CDH4: variants seen among roughly 807,000 people sequenced by gnomAD.
CDH4 encodes cadherin 4, also known as cadherin-4.
In CDH4, 33 loss-of-function variants were observed where a neutral mutation model predicts 86.0. That is an observed-to-expected ratio of 0.38 (90% CI 0.29 to 0.51). The LOEUF is 0.51. Among genes scored for constraint, CDH4 ranks in the 20% least tolerant of loss-of-function variants. CDH4 has a pLI of 0.86. For synonymous variants in CDH4, 555 were observed against 549.4 expected (o/e 1.01, Z -0.14); for missense variants, 1,114 against 1,307.4 (o/e 0.85, Z 2.28).
At chr20:61,464,232 G>A (rs1471103551) in intron 2 of CDH4, among the ~76,000 whole-genome samples, 4 of 152,136 alleles carry the variant, frequency 2.6e-5, no homozygotes, top group Non-Finnish European at 4.4e-5. Flanking sequence ...TGCAGAGAGG[G>A]ATACAAAAGG....
At chr20:61,818,621 T>C (rs555139514) in intron 4 of CDH4, among the ~76,000 whole-genome samples, 297 of 150,412 alleles carry the variant, frequency 2.0e-3, no homozygotes, top group Non-Finnish European at 3.9e-3. Flanking sequence ...CAGGCTGCAG[T>C]GAGCTATGAT....
intron 9 of CDH4, among the ~76,000 whole-genome samples, chr20:61,919,468 C>A (rs1271046880): frequency 6.6e-6 from 1 of 152,252 alleles, no homozygotes; most frequent in Non-Finnish European, 1.5e-5. Context: ...AGCTCCAAAG[C>A]CACAAACTGG....
chr20:61,841,778 C>T lies in CDH4; in HGVS notation c.577-2890C>T, dbSNP rs185893121. 2.4e-4 allele frequency among the ~76,000 whole-genome samples: 37 copies of T among 152,108 alleles called. No homozygotes were observed. In the East Asian group the frequency reaches 5.4e-3, roughly 22 times the overall value. ...GAGTGTGTGTGTGTGCGCGCGTGCGCGCACCGTGGGCCTGCAGGCCTCCTC... is the reference window on the plus strand; with the variant it reads ...GAGTGTGTGTGTGTGCGCGCGTGCGTGCACCGTGGGCCTGCAGGCCTCCTC... On this transcript the variant is annotated intron_variant, in intron 4 of 15. Coordinates refer to ENST00000614565, the MANE Select transcript of CDH4 (RefSeq NM_001794.5).
chr20:61,860,110 C>T (rs1983250438), intron 6 of CDH4, among the ~76,000 whole-genome samples: 1 of 152,262 alleles, frequency 6.6e-6, no homozygotes, highest in Admixed American at 6.5e-5. Flanking sequence ...CTGTCATTGA[C>T]AGTGTCCTTA....
rs754629627 is a variant in CDH4, at chr20:61,873,715, G to T, written c.878-13G>T. 1.2e-6 allele frequency: 2 copies of T among 1,610,166 alleles called. No homozygotes were observed. Among genetic ancestry groups the T allele is most frequent in the African/African-American group, 1.3e-5 (1 of 74,936 alleles). ...GCAGGCCATCCCCATCTGAGCTGCT[G>T]TCTCCGTTCCAGGCACCTACGTGAT... is the stretch of plus-strand genomic sequence containing the variant. On this transcript the variant is annotated splice_polypyrimidine_tract_variant and intron_variant, in intron 6 of 15. Coordinates refer to ENST00000614565, the MANE Select transcript of CDH4 (RefSeq NM_001794.5).
intron 9 of CDH4, among the ~76,000 whole-genome samples, chr20:61,912,173 A>G (rs1281142768): frequency 6.6e-6 from 1 of 152,154 alleles, no homozygotes; most frequent in Non-Finnish European, 1.5e-5. Flanking sequence ...TTATTAAGGG[A>G]CCTTCCCAGA....
chr20:61,633,844 C>A (rs532142989), intron 2 of CDH4, among the ~76,000 whole-genome samples: 11 of 152,194 alleles, frequency 7.2e-5, no homozygotes, highest in African/African-American at 1.4e-4. Flanking sequence ...CCATCTCCCC[C>A]CCAGCTGTCC....
At chr20:61,781,301 A>G (rs549248974) in intron 4 of CDH4, among the ~76,000 whole-genome samples, 54 of 152,100 alleles carry the variant, frequency 3.6e-4, no homozygotes, top group Non-Finnish European at 7.1e-4. Context: ...AGAGAAAGGA[A>G]CCCAGGAACC....
At chr20:61,608,030 A>G (rs572263910) in intron 2 of CDH4, among the ~76,000 whole-genome samples, 36 of 152,172 alleles carry the variant, frequency 2.4e-4, no homozygotes, top group Admixed American at 2.4e-3. Context: ...ACACTCCACC[A>G]GTTTACAACT....
chr20:61,269,666 C>G lies in CDH4; in HGVS notation c.169+14729C>G, dbSNP rs1173414856. Among the ~76,000 whole-genome samples, 1 of 152,090 alleles carries G rather than the reference C, an allele frequency of 6.6e-6. No individual in the cohort carries two copies. Among genetic ancestry groups the G allele is most frequent in the East Asian group, 1.9e-4 (1 of 5,196 alleles). On this transcript the variant is annotated intron_variant, in intron 2 of 15. Coordinates refer to ENST00000614565, the MANE Select transcript of CDH4 (RefSeq NM_001794.5). The surrounding 1 kb of genome is among the most constrained non-coding windows in gnomAD (Gnocchi z 5.3). Reference sequence around the variant, plus strand: ...GTAAACACATCAGGCCCTGCTCCGCCAAGCAGACCCCAGTCCTGCCAGAGC... The same window carrying G: ...GTAAACACATCAGGCCCTGCTCCGCGAAGCAGACCCCAGTCCTGCCAGAGC...
chr20:61,263,556 C>T (rs2084139711), intron 2 of CDH4, among the ~76,000 whole-genome samples: 3 of 152,274 alleles, frequency 2.0e-5, no homozygotes, highest in East Asian at 1.9e-4. Flanking sequence ...CCAGATCACT[C>T]GGTATGGGCA....
At chr20:61,304,705 T>C (rs982758415) in intron 2 of CDH4, among the ~76,000 whole-genome samples, 1 of 152,142 alleles carries the variant, frequency 6.6e-6, no homozygotes, top group Non-Finnish European at 1.5e-5. Context: ...AGACTATGTA[T>C]GTACTAGAGC....
chr20:61,808,613 A>G (rs1412627345), intron 4 of CDH4, among the ~76,000 whole-genome samples: 3 of 152,252 alleles, frequency 2.0e-5, no homozygotes, highest in African/African-American at 7.2e-5. Context: ...GATTTGAAAC[A>G]GAAGAGCAGC....
chr20:61,678,395 T>TG (rs1335105117), intron 2 of CDH4, among the ~76,000 whole-genome samples: 1 of 152,170 alleles, frequency 6.6e-6, no homozygotes, highest in African/African-American at 2.4e-5. Flanking sequence ...TTTCTGAAGA[T>TG]GGTAACTGGG....
intron 2 of CDH4, among the ~76,000 whole-genome samples, chr20:61,465,052 C>T (rs2085465003): frequency 6.6e-6 from 1 of 152,200 alleles, no homozygotes; most frequent in Non-Finnish European, 1.5e-5. Context: ...TCTTATATGC[C>T]TTCACATTTA....
chr20:61,353,761 A>ACCCTCCCC (rs1555840045), intron 2 of CDH4, among the ~76,000 whole-genome samples: 1 of 122,552 alleles, frequency 8.2e-6, no homozygotes, highest in African/African-American at 3.2e-5. Flanking sequence ...ACGATGATTC[A>ACCCTCCCC]CCCCAGTTCA....
chr20:61,336,596 G>A (rs1600877812), intron 2 of CDH4, among the ~76,000 whole-genome samples: 2 of 152,188 alleles, frequency 1.3e-5, no homozygotes, highest in East Asian at 3.9e-4. Flanking sequence ...GTGCAGAGCA[G>A]GTCCTTGCTA....
chr20:61,763,551 G>A (rs2088663247), intron 3 of CDH4, among the ~76,000 whole-genome samples: 1 of 152,214 alleles, frequency 6.6e-6, no homozygotes, highest in Non-Finnish European at 1.5e-5. Context: ...GGTCTGGAGT[G>A]GGACCTGCTA....
At chr20:61,920,114 CGTGTCACG>C (rs2054957705) in intron 9 of CDH4, among the ~76,000 whole-genome samples, 1 of 816 alleles carries the variant, frequency 1.2e-3, no homozygotes, top group Non-Finnish European at 4.6e-3. Context: ...TGATTGGAAG[CGTGTCACG>C]GTGATTGCGT....
Sources: allele counts gnomAD v4.1 joint callset (sites outside exome capture counted in the v4.1 genomes callset), GRCh38; gene constraint gnomAD v4.1.1; non-coding constraint Gnocchi (gnomAD v3.1); transcripts MANE v1.5; gene names NCBI Gene and HGNC (gene_info 2026-07-23, HGNC 2026-07-21).